CD302: variants seen among roughly 807,000 people sequenced by gnomAD.
CD302 encodes CD302 molecule, also known as CD302 antigen.
A neutral mutation model predicts 26.5 loss-of-function variants in CD302; 23 were observed. The observed-to-expected ratio is 0.87, with a 90% CI of 0.62 to 1.23. The LOEUF (loss-of-function observed/expected upper bound fraction) is 1.23. CD302 is among the 50% of genes most tolerant of loss of function. CD302 has a pLI of 0.00. For missense variants in CD302, 290 were observed against 275.5 expected (o/e 1.05, Z -0.37); for synonymous variants, 90 against 99.4 (o/e 0.91, Z 0.56).
intron 5 of CD302, among the ~76,000 whole-genome samples, chr2:159,773,265 C>T (rs1223821790): frequency 3.3e-5 from 5 of 152,196 alleles, no homozygotes; most frequent in Non-Finnish European, 5.9e-5. Context: ...CTGCCCCCCT[C>T]GGCCTCCCAG....
intron 1 of CD302, among the ~76,000 whole-genome samples, chr2:159,789,961 A>C (rs1449021325): frequency 7.2e-6 from 1 of 138,708 alleles, no homozygotes; most frequent in East Asian, 2.0e-4. Context: ...ATTCTTATGG[A>C]ATTTAATCTA....
intron 4 of CD302, among the ~76,000 whole-genome samples, chr2:159,778,563 AGAAAG>A (rs2125798367): frequency 6.6e-6 from 1 of 152,350 alleles, no homozygotes; most frequent in South Asian, 2.1e-4. Flanking sequence ...CCATATGTAA[AGAAAG>A]GAAATAAAGC....
Position 159,780,541 on chromosome 2 carries a change from GATAA to G in CD302, c.295+337_295+340del, listed in dbSNP as rs1247086150. On this transcript the variant is annotated intron_variant, in intron 3 of 5. Transcript: ENST00000259053. ...ACATATGTACTTTGTCTACAGTAATGATAAATATGTTTATATAATAGAACCGTGA... is the reference window on the plus strand; with the variant it reads ...ACATATGTACTTTGTCTACAGTAATGATATGTTTATATAATAGAACCGTGA... 2.6e-5 allele frequency among the ~76,000 whole-genome samples: 4 copies of G among 152,182 alleles called. No homozygotes were observed. In the South Asian group the frequency reaches 6.2e-4, roughly 24 times the overall value.
chr2:159,777,541 G>C (rs1708371989), intron 5 of CD302, among the ~76,000 whole-genome samples: 1 of 152,104 alleles, frequency 6.6e-6, no homozygotes, highest in Non-Finnish European at 1.5e-5. Flanking sequence ...TGAGAACATA[G>C]GTCCAAAAGA....
intron 3 of CD302, 59 bp downstream of exon 3, chr2:159,780,823 T>C: frequency 6.7e-7 from 1 of 1,485,532 alleles, no homozygotes; most frequent in Admixed American, 1.8e-5. Context: ...AAGCCATCAG[T>C]TTTGCTACAT....
chr2:159,770,230 C>G lies in CD302; in HGVS notation c.*1621G>C, dbSNP rs555623416. 3.3e-5 allele frequency: 5 copies of G among 152,190 alleles called. No homozygotes were observed. In the South Asian group the frequency reaches 1.0e-3, roughly 32 times the overall value. 9.4% of individuals were successfully genotyped at this position (152,190 alleles called of 1,614,324 possible). A position where few individuals can be genotyped will look rare whatever the true frequency, so the allele number is the denominator to read the frequency against. On this transcript the variant is annotated 3_prime_UTR_variant, in exon 6 of 6. Coordinates refer to ENST00000259053, the MANE Select transcript of CD302 (RefSeq NM_014880.5). ...GTTCAATATTGACATTAGTAATAGTCTATCAATAATAAAATAGACATCTCA... is the reference window on the plus strand; with the variant it reads ...GTTCAATATTGACATTAGTAATAGTGTATCAATAATAAAATAGACATCTCA...
rs1166131321 is a variant in CD302, at chr2:159,779,992, C to T, written c.469+13G>A. On this transcript the variant is annotated intron_variant, in intron 4 of 5. Transcript: ENST00000259053. Reference sequence around the variant, plus strand: ...CCCTTCTAGAATGGAAAAACACCTTCGGTCATACTTACTAGCTGTTTTGCA... The same window carrying T: ...CCCTTCTAGAATGGAAAAACACCTTTGGTCATACTTACTAGCTGTTTTGCA... 9 of 1,605,342 alleles carry T rather than the reference C, an allele frequency of 5.6e-6. No homozygotes were observed. The highest frequency in any genetic ancestry group is 5.1e-5 in the Admixed American group (3 of 58,288).
Position 159,784,819 on chromosome 2 carries a change from A to G in CD302, c.68-1350T>C, listed in dbSNP as rs543589528. Reference sequence around the variant, plus strand: ...ATTGGTTGTCCCCAGTACTGACCTCAGCTTCTTATATAGCACAGAGCACAT... The same window carrying G: ...ATTGGTTGTCCCCAGTACTGACCTCGGCTTCTTATATAGCACAGAGCACAT... On this transcript the variant is annotated intron_variant, in intron 1 of 5. Coordinates refer to ENST00000259053, the MANE Select transcript of CD302 (RefSeq NM_014880.5). Among the ~76,000 whole-genome samples, 43 of 152,278 alleles carry G rather than the reference A, an allele frequency of 2.8e-4. No individual in the cohort carries two copies. In the South Asian group the frequency reaches 8.7e-3, roughly 31 times the overall value.
intron 5 of CD302, among the ~76,000 whole-genome samples, chr2:159,772,787 C>T (rs1263449291): frequency 6.6e-6 from 1 of 152,034 alleles, no homozygotes; most frequent in Non-Finnish European, 1.5e-5. Context: ...CCCATTATTT[C>T]AACTGGTGCT....
chr2:159,794,303 AAT>A (rs1491244097), intron 1 of CD302, among the ~76,000 whole-genome samples: 37 of 36,110 alleles, frequency 1.0e-3, no homozygotes, highest in South Asian at 2.7e-3. Context: ...AAAATAAAAT[AAT>A]AAAAAAAAAA....
At chr2:159,782,724 CAAA>C (rs765295574) in intron 2 of CD302, among the ~76,000 whole-genome samples, 8 of 106,234 alleles carry the variant, frequency 7.5e-5, no homozygotes, top group Non-Finnish European at 8.0e-5. Flanking sequence ...GACCCTGTCT[CAAA>C]AAAAAAAAAA....
rs1235085632 is a variant in CD302 at position 159,771,837 on chromosome 2, A to G, written c.*14T>C. 3 of 1,613,106 alleles carry G rather than the reference A, an allele frequency of 1.9e-6. No individual in the cohort carries two copies. Among genetic ancestry groups the G allele is most frequent in the Non-Finnish European group, 2.5e-6 (3 of 1,179,256 alleles). ...GGCATTTTGTTGATGTCTTAGTGCA[A>G]GATTACCAAAAACTTAGTCAAATTG... On this transcript the variant is annotated 3_prime_UTR_variant, in exon 6 of 6. Coordinates refer to ENST00000259053, the MANE Select transcript of CD302 (RefSeq NM_014880.5).
chr2:159,774,422 T>TAACA (rs2125792159), intron 5 of CD302, among the ~76,000 whole-genome samples: 1 of 152,342 alleles, frequency 6.6e-6, no homozygotes, highest in South Asian at 2.1e-4. Context: ...GCTCTAGTTC[T>TAACA]AACACTGATC....
chr2:159,788,989 A>C (rs913822252), intron 1 of CD302, among the ~76,000 whole-genome samples: 2 of 151,348 alleles, frequency 1.3e-5, no homozygotes, highest in Admixed American at 6.7e-5. Flanking sequence ...TGCACTCTTA[A>C]GTTGTAACTT....
rs1423203058 is a variant in CD302, at chr2:159,770,470, C to G, written c.*1381G>C. 6.6e-6 allele frequency: 1 copy of G among 152,174 alleles called. No homozygotes were observed. Among genetic ancestry groups the G allele is most frequent in the African/African-American group, 2.4e-5 (1 of 41,444 alleles). The allele number at this position is 152,174 out of a possible 1,614,324, so 9.4% of individuals were successfully genotyped here. A position where few individuals can be genotyped will look rare whatever the true frequency, so the allele number is the denominator to read the frequency against. On this transcript the variant is annotated 3_prime_UTR_variant, in exon 6 of 6. Transcript: ENST00000259053. Reference sequence around the variant, plus strand: ...GGTCAATAAAAAGAGACTACACAAGCTGGAACTTTGTTGCCATTAGTCAAG... The same window carrying G: ...GGTCAATAAAAAGAGACTACACAAGGTGGAACTTTGTTGCCATTAGTCAAG...
chr2:159,792,515 G>A (rs1040994366), intron 1 of CD302, among the ~76,000 whole-genome samples: 1 of 151,598 alleles, frequency 6.6e-6, no homozygotes. Flanking sequence ...GGCAAACAGA[G>A]GGAGGAGCAA....
At chr2:159,796,779 T>C (rs576826845) in intron 1 of CD302, among the ~76,000 whole-genome samples, 2 of 152,292 alleles carry the variant, frequency 1.3e-5, no homozygotes, top group African/African-American at 4.8e-5. Flanking sequence ...AGAAGAGACA[T>C]ACCAAAATCT....
chr2:159,784,972 C>CTTTTTTT (rs35915930), intron 1 of CD302, among the ~76,000 whole-genome samples: 2 of 111,732 alleles, frequency 1.8e-5, no homozygotes, highest in Non-Finnish European at 3.6e-5. Flanking sequence ...TCCGTACAGA[C>CTTTTTTT]TTTTTTTTTT....
Position 159,771,075 on chromosome 2 carries a change from T to TTCATG in CD302, c.*771_*775dup, listed in dbSNP as rs146634771. On this transcript the variant is annotated 3_prime_UTR_variant, in exon 6 of 6. Transcript: ENST00000259053. Reference sequence around the variant, plus strand: ...TTCTTCGGTTTTTGCTTGCACAGTTTTCATGTCATTGAAGGAAAAATTTAT... The same window carrying TTCATG: ...TTCTTCGGTTTTTGCTTGCACAGTTTTCATGTCATGTCATTGAAGGAAAAATTTAT... 150 of 152,288 alleles carry TTCATG rather than the reference T, an allele frequency of 9.8e-4. No homozygotes were observed. The highest frequency in any genetic ancestry group is 3.5e-3 in the African/African-American group (146 of 41,578). 9.4% of individuals were successfully genotyped at this position (152,288 alleles called of 1,614,324 possible).
Sources: gnomAD v4.1 joint callset for allele counts (sites outside exome capture counted in the v4.1 genomes callset) on GRCh38, gnomAD v4.1.1 for gene constraint, MANE v1.5 for transcripts, NCBI Gene and HGNC (gene_info 2026-07-23, HGNC 2026-07-21) for gene names.